The following ATP8A1 variants were observed in gnomAD, a reference collection of about 807,000 sequenced individuals.
ATP8A1 encodes phospholipid-transporting ATPase IA.
ATP8A1 carries 90 observed loss-of-function variants against 177.7 expected under a neutral mutation model. The observed-to-expected ratio is 0.51, with a 90% CI of 0.43 to 0.60. ATP8A1 has a LOEUF of 0.60. Among genes scored for constraint, ATP8A1 ranks in the 20% least tolerant of loss-of-function variants. The pLI, the probability that ATP8A1 is intolerant of heterozygous loss-of-function variation, is 0.00. For synonymous variants in ATP8A1, 493 were observed against 485.9 expected (o/e 1.01, Z -0.19); for missense variants, 1,072 against 1,392.8 (o/e 0.77, Z 3.67).
intron 28 of ATP8A1, 44 bp downstream of exon 28, chr4:42,455,481 C>T (rs1208256423): frequency 6.2e-7 from 1 of 1,613,408 alleles, no homozygotes; most frequent in South Asian, 1.1e-5. Context: ...CTTTATCTCC[C>T]AAGTATTCAA....
At chr4:42,577,290 G>A (rs1214603077) in intron 12 of ATP8A1, among the ~76,000 whole-genome samples, 7 of 152,034 alleles carry the variant, frequency 4.6e-5, no homozygotes, top group Non-Finnish European at 7.4e-5. Flanking sequence ...ATCCTATTAC[G>A]TAATTTTTCA....
At position 42,413,032 on chromosome 4, in the gene ATP8A1, A is replaced by G; in HGVS notation, c.3398-19T>C. On this transcript the variant is annotated intron_variant, in intron 36 of 36. Transcript: ENST00000381668. The stretch of plus-strand genomic sequence containing the variant: ...TACCCATCTGTAGGTTAATGATAAA[A>G]CAGAAATTCTCACAAAGGCACTGGA... 3.1e-6 allele frequency: 5 copies of G among 1,606,068 alleles called. No homozygotes were observed. The highest frequency in any genetic ancestry group is 4.3e-6 in the Non-Finnish European group (5 of 1,173,626).
chr4:42,454,618 T>TTA (rs1354923495), intron 29 of ATP8A1, among the ~76,000 whole-genome samples: 1 of 152,130 alleles, frequency 6.6e-6, no homozygotes, highest in African/African-American at 2.4e-5. Flanking sequence ...TGGAAACACT[T>TTA]TAGAATATAT....
intron 20 of ATP8A1, among the ~76,000 whole-genome samples, chr4:42,535,683 A>G (rs909102530): frequency 2.0e-5 from 3 of 152,238 alleles, no homozygotes; most frequent in Admixed American, 2.0e-4. Context: ...CAGCACATGG[A>G]ACATTCTCCA....
At chr4:42,624,788 A>G (rs1737871369) in intron 3 of ATP8A1, among the ~76,000 whole-genome samples, 154 bp from the exon 4 acceptor site, 1 of 152,192 alleles carries the variant, frequency 6.6e-6, no homozygotes, top group South Asian at 2.1e-4. Context: ...TTCGTATCTA[A>G]TAAGTACTGG....
At chr4:42,570,484 A>G (rs994700782) in intron 14 of ATP8A1, among the ~76,000 whole-genome samples, 1 of 152,230 alleles carries the variant, frequency 6.6e-6, no homozygotes, top group Non-Finnish European at 1.5e-5. Flanking sequence ...AACACTGTGC[A>G]TGGTCCTGCC....
chr4:42,595,733 T>C (rs1201238519), intron 6 of ATP8A1, among the ~76,000 whole-genome samples: 1 of 152,214 alleles, frequency 6.6e-6, no homozygotes, highest in Non-Finnish European at 1.5e-5. Flanking sequence ...TGTTTCCTCT[T>C]AAATTCAACT....
intron 25 of ATP8A1, among the ~76,000 whole-genome samples, chr4:42,478,216 T>G (rs1721284604): frequency 6.6e-6 from 1 of 151,696 alleles, no homozygotes; most frequent in Non-Finnish European, 1.5e-5. Flanking sequence ...CTTAGCTGGG[T>G]GTGGTGGCAC....
chr4:42,551,370 CTGTT>C (rs1472027593), intron 17 of ATP8A1, 90 bp from the exon 18 acceptor site: 1 of 889,564 alleles, frequency 1.1e-6, no homozygotes. Flanking sequence ...ATATAATTTT[CTGTT>C]TAATTAAAGT....
rs146572042 is a variant in ATP8A1, at chr4:42,632,151, T to C, written c.50-5042A>G. Among the ~76,000 whole-genome samples, 202 of 152,290 alleles carry C rather than the reference T, an allele frequency of 1.3e-3. 1 individual carries two copies. Among genetic ancestry groups the C allele is most frequent in the Middle Eastern group, 3.4e-3 (1 of 292 alleles). On this transcript the variant is annotated intron_variant, in intron 1 of 36. Transcript: ENST00000381668. ...CTGAGCAAGGATCCTTTTCTATGTA[T>C]GAAAGCACATTTGTATAGCAGCTTC... is the stretch of plus-strand genomic sequence containing the variant.
intron 20 of ATP8A1, among the ~76,000 whole-genome samples, chr4:42,534,464 GA>G (rs1446624628): frequency 6.6e-6 from 1 of 151,936 alleles, no homozygotes; most frequent in Non-Finnish European, 1.5e-5. Flanking sequence ...CAAAGATAAA[GA>G]AAAAAGAATT....
At chr4:42,610,612 T>C (rs1736272893) in intron 5 of ATP8A1, among the ~76,000 whole-genome samples, 1 of 150,442 alleles carries the variant, frequency 6.6e-6, no homozygotes, top group Admixed American at 6.6e-5. Context: ...AAAGACAACC[T>C]GGAGCTGTCT....
At chr4:42,561,684 G>A (rs1730849789) in intron 15 of ATP8A1, 1 of 152,250 alleles carries the variant, frequency 6.6e-6, no homozygotes, top group African/African-American at 2.4e-5. Context: ...GCCTCTGTAG[G>A]GAGCACCACC....
chr4:42,444,406 C>T (rs1335787426), intron 32 of ATP8A1, among the ~76,000 whole-genome samples, 172 bp downstream of exon 32: 1 of 152,190 alleles, frequency 6.6e-6, no homozygotes, highest in Non-Finnish European at 1.5e-5. Flanking sequence ...TATTTCCCAA[C>T]TAAAACCTCC....
At chr4:42,433,376 A>G (rs146699811) in intron 33 of ATP8A1, among the ~76,000 whole-genome samples, 1 of 152,318 alleles carries the variant, frequency 6.6e-6, no homozygotes, top group African/African-American at 2.4e-5. Flanking sequence ...CTAGCTCTTC[A>G]GAATGGACTC....
chr4:42,629,283 G>A lies in ATP8A1; in HGVS notation c.50-2174C>T, dbSNP rs537226818. Among the ~76,000 whole-genome samples, 4 of 152,340 alleles carry A rather than the reference G, an allele frequency of 2.6e-5. No individual in the cohort carries two copies. The South Asian group carries it at 6.2e-4, about 24-fold the overall frequency. ...CAAAATGAAGGGGAAAATCTAAACT[G>A]TAAACTGTTGCCAGGGGTAGGACCA... On this transcript the variant is annotated intron_variant, in intron 1 of 36. Transcript: ENST00000381668.
At chr4:42,519,756 G>A (rs62302264) in intron 22 of ATP8A1, among the ~76,000 whole-genome samples, 10,050 of 152,226 alleles carry the variant, frequency 0.066, 490 homozygotes, top group Non-Finnish European at 0.11. Flanking sequence ...AATCTTTCCG[G>A]ATCTTAGATT....
chr4:42,542,523 C>A (rs1728507373), intron 20 of ATP8A1, among the ~76,000 whole-genome samples: 1 of 152,056 alleles, frequency 6.6e-6, no homozygotes, highest in African/African-American at 2.4e-5. Flanking sequence ...ATACATGTGC[C>A]ATGTTGGTTT....
At chr4:42,588,183 A>G in intron 8 of ATP8A1, 77 bp downstream of exon 8, 7 of 1,278,772 alleles carry the variant, frequency 5.5e-6, no homozygotes, top group Non-Finnish European at 6.7e-6. Flanking sequence ...GTTCAAGACA[A>G]TAACACAAAG....
Sources: gnomAD v4.1 joint callset for allele counts (sites outside exome capture counted in the v4.1 genomes callset) on GRCh38, gnomAD v4.1.1 for gene constraint, MANE v1.5 for transcripts, NCBI Gene and HGNC (gene_info 2026-07-23, HGNC 2026-07-21) for gene names.